The following KCTD8 variants were observed in gnomAD, a reference collection of about 807,000 sequenced individuals.
KCTD8 encodes the protein potassium channel tetramerization domain containing 8.
A neutral mutation model predicts 31.5 loss-of-function variants in KCTD8; 27 were observed. The ratio of observed to expected loss-of-function variants is 0.86; its 90% CI spans 0.63 to 1.18. The LOEUF (loss-of-function observed/expected upper bound fraction) is 1.18, where lower values mean the gene tolerates loss of function less well. Among genes scored for constraint, KCTD8 ranks in the 50% most tolerant of loss-of-function variants. The pLI, the probability that KCTD8 is intolerant of heterozygous loss-of-function variation, is 0.00. For missense variants in KCTD8, 658 were observed against 647.7 expected (o/e 1.02, Z -0.17); for synonymous variants, 290 against 280.0 (o/e 1.04, Z -0.36).
chr4:44,224,776 C>T (rs944887694), intron 1 of KCTD8, among the ~76,000 whole-genome samples: 6 of 152,104 alleles, frequency 3.9e-5, no homozygotes, highest in Non-Finnish European at 7.4e-5. Flanking sequence ...TGATGTGGGG[C>T]GAGATAGTGA....
At chr4:44,222,060 G>A (rs1392312065) in intron 1 of KCTD8, among the ~76,000 whole-genome samples, 4 of 152,082 alleles carry the variant, frequency 2.6e-5, no homozygotes, top group African/African-American at 7.2e-5. Flanking sequence ...TAATGTACTG[G>A]ATCTATTTAA....
At chr4:44,290,282 T>C (rs1285710311) in intron 1 of KCTD8, among the ~76,000 whole-genome samples, 2 of 152,188 alleles carry the variant, frequency 1.3e-5, no homozygotes, top group Non-Finnish European at 2.9e-5. Context: ...TGATTATGTA[T>C]GCACCCAACA....
intron 1 of KCTD8, among the ~76,000 whole-genome samples, chr4:44,422,108 T>C (rs1264262692): frequency 6.6e-6 from 1 of 152,104 alleles, no homozygotes; most frequent in Non-Finnish European, 1.5e-5. Flanking sequence ...TTGGCATTCA[T>C]ACCTTTAGCT....
At chr4:44,346,707 T>C (rs191432889) in intron 1 of KCTD8, among the ~76,000 whole-genome samples, 1 of 152,294 alleles carries the variant, frequency 6.6e-6, no homozygotes, top group African/African-American at 2.4e-5. Flanking sequence ...AGTGTCATGG[T>C]GACTGACCCT....
At chr4:44,181,349 G>T (rs1272785550) in intron 1 of KCTD8, among the ~76,000 whole-genome samples, 1 of 152,124 alleles carries the variant, frequency 6.6e-6, no homozygotes, top group Non-Finnish European at 1.5e-5. Context: ...CTCCCTGCCT[G>T]GTTCTCCTGC....
intron 1 of KCTD8, among the ~76,000 whole-genome samples, chr4:44,375,018 A>C (rs1719884870): frequency 6.6e-6 from 1 of 152,224 alleles, no homozygotes; most frequent in Admixed American, 6.5e-5. Context: ...AGTGAAATAA[A>C]GTGCAGTAAA....
chr4:44,258,933 T>C (rs1031521379), intron 1 of KCTD8, among the ~76,000 whole-genome samples: 4 of 151,838 alleles, frequency 2.6e-5, no homozygotes, highest in Admixed American at 2.0e-4. Context: ...TAATGACCCC[T>C]ACCTCATAAA....
At chr4:44,283,392 T>C (rs191125665) in intron 1 of KCTD8, among the ~76,000 whole-genome samples, 1 of 152,198 alleles carries the variant, frequency 6.6e-6, no homozygotes, top group African/African-American at 2.4e-5. Context: ...AGATGTCATC[T>C]GACATTTTCA....
intron 1 of KCTD8, among the ~76,000 whole-genome samples, chr4:44,389,828 G>A (rs35270325): frequency 0.078 from 11,759 of 151,468 alleles, 485 homozygotes; most frequent in South Asian, 0.15. Context: ...TTTATACGTG[G>A]ATTTTTTTTC....
At chr4:44,289,939 T>C (rs963940966) in intron 1 of KCTD8, among the ~76,000 whole-genome samples, 1 of 152,026 alleles carries the variant, frequency 6.6e-6, no homozygotes, top group Non-Finnish European at 1.5e-5. Flanking sequence ...AACAATATGA[T>C]AACAATATCA....
intron 1 of KCTD8, among the ~76,000 whole-genome samples, chr4:44,398,568 C>T (rs532819895): frequency 3.9e-5 from 6 of 152,202 alleles, no homozygotes; most frequent in South Asian, 2.1e-4. Flanking sequence ...CACTTGATGG[C>T]CATTATAGCA....
At chr4:44,206,315 T>C (rs1714304072) in intron 1 of KCTD8, among the ~76,000 whole-genome samples, 1 of 152,018 alleles carries the variant, frequency 6.6e-6, no homozygotes, top group African/African-American at 2.4e-5. Context: ...TTTGCAAACA[T>C]CCTAGTAAAA....
At chr4:44,276,269 G>T (rs1716748229) in intron 1 of KCTD8, among the ~76,000 whole-genome samples, 1 of 152,014 alleles carries the variant, frequency 6.6e-6, no homozygotes, top group East Asian at 1.9e-4. Context: ...GTTTTAAACA[G>T]TTGCTACAGG....
Position 44,448,539 on chromosome 4 carries a change from G to T in KCTD8, c.-16C>A. Reference sequence around the variant, plus strand: ...TCAGAGCCATAGTCCCCCCGCCGCCGGCCCAGTGACCCGAGAGAGCTGCAC... The same window carrying T: ...TCAGAGCCATAGTCCCCCCGCCGCCTGCCCAGTGACCCGAGAGAGCTGCAC... On this transcript the variant is annotated 5_prime_UTR_variant, in exon 1 of 2. Coordinates refer to ENST00000360029, the MANE Select transcript of KCTD8 (RefSeq NM_198353.3). This position sits in a 1 kb window ranked among gnomAD's most constrained non-coding sequence, Gnocchi z 4.1. 6.9e-7 allele frequency: 1 copy of T among 1,452,174 alleles called. No individual in the cohort carries two copies. The allele number at this position is 1,452,174 out of a possible 1,614,324, so 90.0% of individuals were successfully genotyped here.
chr4:44,287,501 A>G (rs1717128310), intron 1 of KCTD8, among the ~76,000 whole-genome samples: 1 of 152,196 alleles, frequency 6.6e-6, no homozygotes, highest in Non-Finnish European at 1.5e-5. Context: ...TAACAATTCC[A>G]GGAAAAGGAA....
At chr4:44,386,539 T>A (rs1411196413) in intron 1 of KCTD8, among the ~76,000 whole-genome samples, 1 of 151,314 alleles carries the variant, frequency 6.6e-6, no homozygotes, top group Non-Finnish European at 1.5e-5. Context: ...AAATTAAAAC[T>A]ACAATGAGAT....
chr4:44,363,427 G>A (rs1719551166), intron 1 of KCTD8, among the ~76,000 whole-genome samples: 1 of 152,168 alleles, frequency 6.6e-6, no homozygotes, highest in Non-Finnish European at 1.5e-5. Flanking sequence ...TGAAAACTCT[G>A]CTTCCAGCAT....
At chr4:44,424,073 G>T (rs1489905471) in intron 1 of KCTD8, among the ~76,000 whole-genome samples, 1 of 152,002 alleles carries the variant, frequency 6.6e-6, no homozygotes, top group Non-Finnish European at 1.5e-5. Context: ...CAGCACAATG[G>T]GTTCTAGTTT....
intron 1 of KCTD8, among the ~76,000 whole-genome samples, chr4:44,184,049 T>C (rs1394577565): frequency 6.6e-6 from 1 of 152,038 alleles, no homozygotes; most frequent in Non-Finnish European, 1.5e-5. Flanking sequence ...TAGTGTTAGC[T>C]ACAAGGGTGG....
Sources: gnomAD v4.1 joint callset for allele counts (sites outside exome capture counted in the v4.1 genomes callset) on GRCh38, gnomAD v4.1.1 for gene constraint, Gnocchi (gnomAD v3.1) non-coding constraint, MANE v1.5 for transcripts, NCBI Gene and HGNC (gene_info 2026-07-23, HGNC 2026-07-21) for gene names.